The following NLGN4Y variants were observed in gnomAD, a reference collection of about 807,000 sequenced individuals.
The protein encoded by NLGN4Y is neuroligin 4 Y-linked, also known as neuroligin-4, Y-linked.
A neutral mutation model predicts 8.4 loss-of-function variants in NLGN4Y; 4 were observed. That is an observed-to-expected ratio of 0.48 (90% CI 0.23 to 1.09). The LOEUF is 1.09. Among genes scored for constraint, NLGN4Y ranks in the 50% least tolerant of loss-of-function variants. The probability of loss-of-function intolerance (pLI) is 0.19; values close to 1 mark genes in which losing one functional copy is unlikely to be tolerated. For synonymous variants in NLGN4Y, 35 were observed against 75.6 expected (o/e 0.46, Z 2.78); for missense variants, 90 against 192.3 (o/e 0.47, Z 3.15).
intron 4 of NLGN4Y, among the ~76,000 whole-genome samples, chrY:14,801,560 AAAAG>A (rs2043032897): frequency 3.3e-5 from 1 of 30,428 alleles, no homozygotes; most frequent in Non-Finnish European, 7.9e-5. Context: ...AAAAAAAAAA[AAAAG>A]AGAGAGAGAG....
At chrY:14,730,141 G>A in intron 4 of NLGN4Y, among the ~76,000 whole-genome samples, 1 of 33,141 alleles carries the variant, frequency 3.0e-5, no homozygotes, top group South Asian at 6.9e-4. Context: ...AGGGCACGGT[G>A]GCTTATGCCT....
chrY:14,764,034 G>T, intron 4 of NLGN4Y, among the ~76,000 whole-genome samples: 1 of 33,209 alleles, frequency 3.0e-5, no homozygotes, highest in Non-Finnish European at 7.4e-5. Flanking sequence ...ATCTCCTACT[G>T]TGCCTAATTG....
At chrY:14,682,703 T>A in intron 2 of NLGN4Y, among the ~76,000 whole-genome samples, 1 of 33,534 alleles carries the variant, frequency 3.0e-5, no homozygotes, top group Admixed American at 2.8e-4. Flanking sequence ...TTTTGTTTTA[T>A]AAAACTGTAA....
chrY:14,551,128 G>A, intron 1 of NLGN4Y, among the ~76,000 whole-genome samples: 1 of 33,542 alleles, frequency 3.0e-5, no homozygotes. Context: ...AAAGAAAGGA[G>A]GGCTTTCAAT....
At chrY:14,588,283 G>T (rs1026382437) in intron 1 of NLGN4Y, among the ~76,000 whole-genome samples, 1 of 33,613 alleles carries the variant, frequency 3.0e-5, no homozygotes, top group Non-Finnish European at 7.3e-5. Flanking sequence ...AGTTCTTTGT[G>T]GTTGGGAGGC....
chrY:14,593,818 G>C, intron 1 of NLGN4Y, among the ~76,000 whole-genome samples: 5 of 33,308 alleles, frequency 1.5e-4, no homozygotes, highest in African/African-American at 5.9e-4. Flanking sequence ...TGCCCTTTCA[G>C]ATTGTCCTTC....
At chrY:14,610,672 T>C in intron 1 of NLGN4Y, among the ~76,000 whole-genome samples, 1 of 33,131 alleles carries the variant, frequency 3.0e-5, no homozygotes, top group Non-Finnish European at 7.4e-5. Context: ...GAGAAGAATG[T>C]ATATTCTGTT....
intron 2 of NLGN4Y, among the ~76,000 whole-genome samples, chrY:14,670,077 A>T (rs941384877): frequency 2.9e-5 from 1 of 34,645 alleles, no homozygotes; most frequent in African/African-American, 1.1e-4. Flanking sequence ...TTTCATTGAC[A>T]TTTTTGGCCA....
intron 1 of NLGN4Y, among the ~76,000 whole-genome samples, chrY:14,554,357 T>C: frequency 3.3e-5 from 1 of 29,872 alleles, no homozygotes; most frequent in Admixed American, 3.2e-4. Flanking sequence ...CACAGGCATG[T>C]ACCACCACAC....
chrY:14,682,314 A>T, intron 2 of NLGN4Y, among the ~76,000 whole-genome samples: 1 of 33,536 alleles, frequency 3.0e-5, no homozygotes. Context: ...ATGTAATGGT[A>T]GGAATTCACG....
chrY:14,803,208 ACT>A, intron 4 of NLGN4Y, among the ~76,000 whole-genome samples: 1 of 24,683 alleles, frequency 4.1e-5, no homozygotes, highest in Non-Finnish European at 8.6e-5. Context: ...TTAAATATAA[ACT>A]CTATATGATA....
At chrY:14,693,073 T>G in intron 2 of NLGN4Y, among the ~76,000 whole-genome samples, 3 of 33,045 alleles carry the variant, frequency 9.1e-5, no homozygotes. Flanking sequence ...TTGCCCAGGA[T>G]AGTCATCCAC....
chrY:14,706,797 A>AATAT (rs2080880091), intron 2 of NLGN4Y, among the ~76,000 whole-genome samples: 1 of 19,451 alleles, frequency 5.1e-5, no homozygotes, highest in African/African-American at 2.2e-4. Context: ...TTTAAAAAAA[A>AATAT]ATATATATAT....
At chrY:14,545,527 G>A in intron 1 of NLGN4Y, among the ~76,000 whole-genome samples, 2 of 33,641 alleles carry the variant, frequency 5.9e-5, no homozygotes, top group Non-Finnish European at 1.5e-4. Context: ...TTCTCTGATG[G>A]CCAGTGATGA....
At chrY:14,597,475 G>T (rs892685935) in intron 1 of NLGN4Y, among the ~76,000 whole-genome samples, 17 of 32,825 alleles carry the variant, frequency 5.2e-4, no homozygotes, top group Non-Finnish European at 1.0e-3. Context: ...CAATCCCTGA[G>T]CTAGATACAA....
At chrY:14,758,205 G>C (rs2081068830) in intron 4 of NLGN4Y, among the ~76,000 whole-genome samples, 1 of 32,905 alleles carries the variant, frequency 3.0e-5, no homozygotes. Flanking sequence ...GTGACTTTTT[G>C]TTTCTTTCTT....
intron 2 of NLGN4Y, among the ~76,000 whole-genome samples, chrY:14,660,534 C>T (rs2080670189): frequency 6.5e-5 from 2 of 30,643 alleles, no homozygotes; most frequent in Non-Finnish European, 7.8e-5. Context: ...AGACTGCCTA[C>T]GCACAACACC....
rs753383306 is a variant in NLGN4Y, at chrY:14,692,247, C to T, written c.473-27212C>T. ...TATGAAAAGCATTTTGTAATATAAT[C>T]TGCTTGATGAACATTTGCTATTTTT... is the stretch of plus-strand genomic sequence containing the variant. On this transcript the variant is annotated intron_variant, in intron 2 of 6. Transcript: ENST00000684976. Among the ~76,000 whole-genome samples the T allele has an allele frequency of 9.0e-5, 3 of 33,237 alleles. No homozygotes were observed. In the South Asian group the frequency reaches 2.0e-3, roughly 22 times the overall value. The allele number at this position is 33,237 out of a possible 37,273, so 89.2% of individuals were successfully genotyped here.
At chrY:14,594,851 C>A in intron 1 of NLGN4Y, among the ~76,000 whole-genome samples, 1 of 32,807 alleles carries the variant, frequency 3.0e-5, no homozygotes, top group African/African-American at 1.2e-4. Flanking sequence ...TAGATGTTTA[C>A]AACTCCAGTC....
Sources: gnomAD v4.1 joint callset for allele counts (sites outside exome capture counted in the v4.1 genomes callset) on GRCh38, gnomAD v4.1.1 for gene constraint, MANE v1.5 for transcripts, NCBI Gene and HGNC (gene_info 2026-07-23, HGNC 2026-07-21) for gene names.